Variants in PIAS2 observed in about 807,000 individuals in gnomAD.
The protein encoded by PIAS2 is protein inhibitor of activated STAT 2.
Under a neutral mutation model 69.7 loss-of-function variants are expected in PIAS2, and 19 were observed. The ratio of observed to expected loss-of-function variants is 0.27; its 90% CI spans 0.19 to 0.40. The LOEUF (loss-of-function observed/expected upper bound fraction) is 0.40, where lower values mean the gene tolerates loss of function less well. Ranked by LOEUF, PIAS2 falls within the 10% of genes least tolerant of loss-of-function variation. The probability of loss-of-function intolerance (pLI) is 1.00; values close to 1 mark genes in which losing one functional copy is unlikely to be tolerated. For synonymous variants in PIAS2, 261 were observed against 263.2 expected (o/e 0.99, Z 0.08); for missense variants, 624 against 757.0 (o/e 0.82, Z 2.06).
chr18:46,857,244 A>G (rs1190897239), intron 3 of PIAS2, among the ~76,000 whole-genome samples: 1 of 152,174 alleles, frequency 6.6e-6, no homozygotes, highest in East Asian at 1.9e-4. Context: ...ATCAAGACAC[A>G]TTTCATATTC....
intron 1 of PIAS2, among the ~76,000 whole-genome samples, chr18:46,897,326 T>C (rs1356956129): frequency 6.6e-6 from 1 of 152,152 alleles, no homozygotes; most frequent in Non-Finnish European, 1.5e-5. Context: ...GATAAGCCTA[T>C]AACATTTTAT....
At chr18:46,916,555 C>T (rs1233113182) in intron 1 of PIAS2, among the ~76,000 whole-genome samples, 1 of 152,174 alleles carries the variant, frequency 6.6e-6, no homozygotes, top group African/African-American at 2.4e-5. Flanking sequence ...CTGTTCTACC[C>T]CCATCACAGC....
chr18:46,868,021 G>A lies in PIAS2; in HGVS notation c.500-3773C>T, dbSNP rs144058730. Among the ~76,000 whole-genome samples, 120 of 152,292 alleles carry A rather than the reference G, an allele frequency of 7.9e-4. 1 individual carries two copies. Among genetic ancestry groups the A allele is most frequent in the East Asian group, 4.8e-3 (25 of 5,182 alleles). On this transcript the variant is annotated intron_variant, in intron 2 of 13. Transcript: ENST00000585916. ...AGCCAAGCTAAGTCCAAGTCATCAG[G>A]TGGCATAGCTGCCAAACATATCAGG...
At position 46,811,993 on chromosome 18, in the gene PIAS2, A is replaced by T. The variant is rs1772322164; in HGVS notation, c.*440T>A. The T allele has an allele frequency of 6.5e-6, 1 of 153,112 alleles. No individual in the cohort carries two copies. Among genetic ancestry groups the T allele is most frequent in the South Asian group, 2.0e-4 (1 of 4,882 alleles). The allele number at this position is 153,112 out of a possible 1,614,324, so 9.5% of individuals were successfully genotyped here. On this transcript the variant is annotated 3_prime_UTR_variant, in exon 14 of 14. Coordinates refer to ENST00000585916, the MANE Select transcript of PIAS2 (RefSeq NM_004671.5). ...AGCAAACATTAAGTTCTTTCCATAT[A>T]TTTTTTTTCCTTCACGTAAGGTTAA... is the stretch of plus-strand genomic sequence containing the variant.
At chr18:46,882,358 G>T (rs1050637282) in intron 2 of PIAS2, among the ~76,000 whole-genome samples, 1 of 151,928 alleles carries the variant, frequency 6.6e-6, no homozygotes, top group African/African-American at 2.4e-5. Context: ...AAAATTAAAA[G>T]ACCAACAATA....
intron 5 of PIAS2, among the ~76,000 whole-genome samples, chr18:46,850,975 G>A (rs2046881677): frequency 6.6e-6 from 1 of 152,100 alleles, no homozygotes; most frequent in South Asian, 2.1e-4. Context: ...TTACATATTT[G>A]ATAGTTTTGA....
intron 12 of PIAS2, 174 bp from the exon 13 acceptor site, chr18:46,815,523 T>C (rs1162601335): frequency 4.1e-6 from 4 of 985,122 alleles, no homozygotes; most frequent in East Asian, 2.3e-4. Context: ...AACCCAAAGA[T>C]GAATATATTC....
At chr18:46,829,618 C>A (rs72907142) in intron 10 of PIAS2, 116 bp downstream of exon 10, 59,885 of 858,894 alleles carry the variant, frequency 0.07, 2,403 homozygotes, top group Non-Finnish European at 0.082. Flanking sequence ...AACTATATAT[C>A]ATCAAAAGAC....
chr18:46,886,587 C>T (rs2053224012), intron 2 of PIAS2, among the ~76,000 whole-genome samples: 1 of 152,162 alleles, frequency 6.6e-6, no homozygotes, highest in Non-Finnish European at 1.5e-5. Flanking sequence ...CCTGTAATCC[C>T]AGCACTTTGG....
chr18:46,821,142 C>A, intron 11 of PIAS2, 70 bp from the exon 12 acceptor site: 1 of 1,524,910 alleles, frequency 6.6e-7, no homozygotes, highest in Non-Finnish European at 9.0e-7. Flanking sequence ...AGCTGCACCA[C>A]TGGGCATTCT....
At chr18:46,855,915 C>T (rs554329288) in intron 3 of PIAS2, among the ~76,000 whole-genome samples, 1 of 151,344 alleles carries the variant, frequency 6.6e-6, no homozygotes, top group South Asian at 2.1e-4. Context: ...AGGAAGCAGC[C>T]TAAGTTCGGA....
intron 5 of PIAS2, among the ~76,000 whole-genome samples, chr18:46,854,423 AAAT>A (rs1485843229): frequency 1.3e-5 from 2 of 152,214 alleles, no homozygotes; most frequent in Non-Finnish European, 2.9e-5. Flanking sequence ...CAGTTACAGT[AAAT>A]ACACCTCCAA....
In PIAS2 at chr18:46,893,535, T is replaced by C. The variant is rs945648530; in HGVS notation, c.25-2481A>G. ...TTAATGCAACTGGCTCTATGGGCTGTTGTAAATAGACAAACAAAAAGTAAG... is the reference window on the plus strand; with the variant it reads ...TTAATGCAACTGGCTCTATGGGCTGCTGTAAATAGACAAACAAAAAGTAAG... On this transcript the variant is annotated intron_variant, in intron 1 of 13. Transcript: ENST00000585916. 12 of 730,940 alleles carry C rather than the reference T, an allele frequency of 1.6e-5. No homozygotes were observed. The African/African-American group carries it at 1.9e-4, about 12-fold the overall frequency. The allele number at this position is 730,940 out of a possible 1,614,324, so 45.3% of individuals were successfully genotyped here.
chr18:46,835,549 C>T (rs554955844), intron 9 of PIAS2, among the ~76,000 whole-genome samples: 1 of 152,142 alleles, frequency 6.6e-6, no homozygotes, highest in Non-Finnish European at 1.5e-5. Context: ...ACCTCACGTT[C>T]CTGTGTAGCT....
intron 12 of PIAS2, chr18:46,816,881 A>G: frequency 1.0e-6 from 1 of 957,494 alleles, no homozygotes; most frequent in Non-Finnish European, 1.2e-6. Flanking sequence ...CTCTATTAAA[A>G]TGATAATAGG....
intron 2 of PIAS2, among the ~76,000 whole-genome samples, chr18:46,873,308 C>T (rs949390371): frequency 6.6e-6 from 1 of 152,184 alleles, no homozygotes; most frequent in Non-Finnish European, 1.5e-5. Context: ...TGACAGGGAA[C>T]CCAAATCTAA....
At chr18:46,915,598 A>G (rs891149793) in intron 1 of PIAS2, 10 of 152,142 alleles carry the variant, frequency 6.6e-5, no homozygotes, top group African/African-American at 2.4e-4. Flanking sequence ...CAAAACAGAG[A>G]GGAAGGCAGA....
In PIAS2 at chr18:46,891,052, A is replaced by T; in HGVS notation, c.27T>A (p.Asn9Lys). 6.4e-7 allele frequency: 1 copy of T among 1,562,558 alleles called. No individual in the cohort carries two copies. The highest frequency in any genetic ancestry group is 8.7e-7 in the Non-Finnish European group (1 of 1,154,520). Residue 9 changes from asparagine (N) to lysine (K), a missense_variant and splice_region_variant, in exon 2 of 14, where the codon AAT becomes AAA. Transcript: ENST00000585916. ...CAGAAACCCTAAAACTAGAAACCAT[A>T]TTCTAAAAGGAAAGAAAAAAAAACA... MADFEELR[N>K]MVSSFRVSEL...
rs2043061987 is a variant in PIAS2, at chr18:46,828,049, G to T, written c.1418C>A (p.Thr473Lys). 3 of 1,613,708 alleles carry T rather than the reference G, an allele frequency of 1.9e-6. No homozygotes were observed. Among genetic ancestry groups the T allele is most frequent in the South Asian group, 1.1e-5 (1 of 91,046 alleles). Reference sequence around the variant, plus strand: ...CTCTTCGTCAGAAGAGCTTTCTATTGTAAGATCAATAACATCTACTTTCTT... The same window carrying T: ...CTCTTCGTCAGAAGAGCTTTCTATTTTAAGATCAATAACATCTACTTTCTT... ...SKKKVDVIDL[T>K]IESSSDEEED... Residue 473 changes from threonine to lysine, a missense_variant, in exon 11 of 14, where the codon ACA (threonine) becomes AAA (lysine). Transcript: ENST00000585916.
Sources: gnomAD v4.1 joint callset for allele counts (sites outside exome capture counted in the v4.1 genomes callset) on GRCh38, gnomAD v4.1.1 for gene constraint, MANE v1.5 for transcripts, NCBI Gene and HGNC (gene_info 2026-07-23, HGNC 2026-07-21) for gene names.